MYO1E: variants seen among roughly 807,000 people sequenced by gnomAD.
MYO1E encodes unconventional myosin-Ie.
Under a neutral mutation model 151.1 loss-of-function variants are expected in MYO1E, and 68 were observed. The observed-to-expected ratio is 0.45, with a 90% CI of 0.37 to 0.55. MYO1E has a LOEUF of 0.55. Among genes scored for constraint, MYO1E ranks in the 20% least tolerant of loss-of-function variants. MYO1E has a pLI of 0.00. For synonymous variants in MYO1E, 601 were observed against 501.7 expected (o/e 1.20, Z -2.64); for missense variants, 1,363 against 1,389.3 (o/e 0.98, Z 0.30).
At chr15:59,207,142 C>T in intron 14 of MYO1E, 3 of 1,614,230 alleles carry the variant, frequency 1.9e-6, no homozygotes, top group East Asian at 2.2e-5. Context: ...GAAGCCCGTT[C>T]ATCACAGTAA....
At chr15:59,239,209 A>AAT (rs1182599954) in intron 4 of MYO1E, among the ~76,000 whole-genome samples, 4 of 121,058 alleles carry the variant, frequency 3.3e-5, no homozygotes, top group Admixed American at 1.6e-4. Context: ...TGTGTCAAAA[A>AAT]ATATATATAT....
chr15:59,174,373 C>T (rs1442371330), intron 19 of MYO1E, 133 bp from the exon 20 acceptor site: 20 of 719,290 alleles, frequency 2.8e-5, no homozygotes, highest in Non-Finnish European at 4.3e-5. Flanking sequence ...GATTCATGAA[C>T]GAATATGTGA....
intron 1 of MYO1E, among the ~76,000 whole-genome samples, chr15:59,326,384 G>A (rs1337397720): frequency 2.0e-5 from 3 of 152,076 alleles, no homozygotes; most frequent in Admixed American, 2.0e-4. Context: ...TTAGCCAGGT[G>A]TGGTGGAGCA....
chr15:59,234,631 G>A (rs534614955), intron 5 of MYO1E, among the ~76,000 whole-genome samples: 2 of 152,160 alleles, frequency 1.3e-5, no homozygotes, highest in South Asian at 2.1e-4. Flanking sequence ...ACCAGCCTGG[G>A]CAATGTGGTG....
chr15:59,172,264 G>A (rs1223031318), intron 21 of MYO1E, among the ~76,000 whole-genome samples: 2 of 152,196 alleles, frequency 1.3e-5, no homozygotes, highest in African/African-American at 4.8e-5. Flanking sequence ...GGCTGAGGCA[G>A]GAGAATCGCT....
chr15:59,225,130 T>A (rs2079981692), intron 7 of MYO1E, among the ~76,000 whole-genome samples: 1 of 152,242 alleles, frequency 6.6e-6, no homozygotes, highest in Admixed American at 6.5e-5. Flanking sequence ...CCCAACTTGC[T>A]ATGGCTTTTT....
At chr15:59,148,731 G>A (rs1392987720) in intron 26 of MYO1E, among the ~76,000 whole-genome samples, 2 of 152,170 alleles carry the variant, frequency 1.3e-5, no homozygotes, top group African/African-American at 2.4e-5. Flanking sequence ...CACACAGGCA[G>A]CATTTAAATA....
At chr15:59,147,835 T>G (rs2079451234) in intron 26 of MYO1E, among the ~76,000 whole-genome samples, 1 of 152,026 alleles carries the variant, frequency 6.6e-6, no homozygotes, top group Non-Finnish European at 1.5e-5. Context: ...CTGTCTGGTC[T>G]CCTTGTCTTG....
chr15:59,161,027 G>A lies in MYO1E; in HGVS notation c.2785+46C>T, dbSNP rs549221264. Reference sequence around the variant, plus strand: ...TTTGCAGCATTTGCTCGGGAGACTCGGGGGAGCGGCGGCAGTTCTGCCTGC... The same window carrying A: ...TTTGCAGCATTTGCTCGGGAGACTCAGGGGAGCGGCGGCAGTTCTGCCTGC... On this transcript the variant is annotated intron_variant, in intron 24 of 27. Transcript: ENST00000288235. The A allele has an allele frequency of 2.4e-5, 39 of 1,610,184 alleles. No individual in the cohort carries two copies. The African/African-American group carries it at 2.5e-4, about 10-fold the overall frequency.
rs568627722 is a variant in MYO1E, at chr15:59,335,778, C to T, written c.3+36720G>A. Among the ~76,000 whole-genome samples, 26 of 152,258 alleles carry T rather than the reference C, an allele frequency of 1.7e-4. 1 individual carries two copies. The South Asian group carries it at 5.2e-3, about 30-fold the overall frequency. On this transcript the variant is annotated intron_variant, in intron 1 of 27. Coordinates refer to ENST00000288235, the MANE Select transcript of MYO1E (RefSeq NM_004998.4). ...ATTTTGAGAGGTAGTGGGAGAGACA[C>T]GGACGCATTCAAATGACTCCCCTTG...
At chr15:59,269,138 G>T (rs928194533) in intron 2 of MYO1E, among the ~76,000 whole-genome samples, 3 of 152,070 alleles carry the variant, frequency 2.0e-5, no homozygotes, top group African/African-American at 7.2e-5. Flanking sequence ...GTTTACAGTG[G>T]AATTTTTGGA....
At chr15:59,167,289 C>T (rs1347457776) in intron 22 of MYO1E, among the ~76,000 whole-genome samples, 1 of 152,108 alleles carries the variant, frequency 6.6e-6, no homozygotes, top group African/African-American at 2.4e-5. Context: ...AGACAGACAG[C>T]CACACAACTT....
chr15:59,208,413 C>T (rs1467122159), intron 14 of MYO1E: 42 of 575,612 alleles, frequency 7.3e-5, no homozygotes, highest in Non-Finnish European at 1.0e-4. Context: ...TAGATATATG[C>T]TATTTCTTTC....
chr15:59,194,772 C>T (rs2079755774), intron 17 of MYO1E, among the ~76,000 whole-genome samples: 1 of 152,184 alleles, frequency 6.6e-6, no homozygotes, highest in African/African-American at 2.4e-5. Flanking sequence ...ACCCTCTAGC[C>T]ACCACCTTAA....
intron 17 of MYO1E, among the ~76,000 whole-genome samples, chr15:59,190,411 C>T (rs1462093125): frequency 2.0e-5 from 3 of 152,212 alleles, no homozygotes; most frequent in Admixed American, 6.5e-5. Context: ...TCCGATGTCA[C>T]GCAGGTTCCC....
At chr15:59,333,166 T>C (rs530869814) in intron 1 of MYO1E, among the ~76,000 whole-genome samples, 2 of 152,224 alleles carry the variant, frequency 1.3e-5, no homozygotes, top group South Asian at 4.1e-4. Context: ...TGAAATCCTA[T>C]ATCCCAGTTC....
intron 1 of MYO1E, among the ~76,000 whole-genome samples, chr15:59,347,662 A>G (rs1019480335): frequency 1.3e-5 from 2 of 152,290 alleles, no homozygotes; most frequent in Admixed American, 1.3e-4. Context: ...AGGAAACAGA[A>G]GAGGCTAGAA....
rs1375946764 is a variant in MYO1E at position 59,163,437 on chromosome 15, A to C, written c.2481-134T>G. The C allele has an allele frequency of 7.7e-6, 7 of 903,518 alleles. No individual in the cohort carries two copies. The East Asian group carries it at 1.8e-4, about 23-fold the overall frequency. 56.0% of individuals were successfully genotyped at this position (903,518 alleles called of 1,614,324 possible). On this transcript the variant is annotated intron_variant, in intron 22 of 27. Coordinates refer to ENST00000288235, the MANE Select transcript of MYO1E (RefSeq NM_004998.4). ...ACAGTCTTTCTTTCTATAAGTAATA[A>C]TCTTTCAAACAAAACCAACAACAAT...
intron 1 of MYO1E, among the ~76,000 whole-genome samples, chr15:59,291,382 G>A (rs1294505072): frequency 1.3e-5 from 2 of 152,074 alleles, no homozygotes; most frequent in Admixed American, 6.6e-5. Flanking sequence ...CAAGTTCACC[G>A]GAGTTAAAAG....
Sources: gnomAD v4.1 joint callset for allele counts (sites outside exome capture counted in the v4.1 genomes callset) on GRCh38, gnomAD v4.1.1 for gene constraint, MANE v1.5 for transcripts, NCBI Gene and HGNC (gene_info 2026-07-23, HGNC 2026-07-21) for gene names.